Variants in CNDP1 observed in about 807,000 individuals in gnomAD.
The protein encoded by CNDP1 is carnosine dipeptidase 1, also known as beta-Ala-His dipeptidase.
Under a neutral mutation model 58.1 loss-of-function variants are expected in CNDP1, and 44 were observed. That is an observed-to-expected ratio of 0.76 (90% confidence interval 0.60 to 0.97). The LOEUF is 0.97. Ranked by LOEUF, CNDP1 falls within the 50% of genes least tolerant of loss-of-function variation. The probability of loss-of-function intolerance (pLI) is 0.00; values close to 1 mark genes in which losing one functional copy is unlikely to be tolerated. For synonymous variants in CNDP1, 254 were observed against 252.6 expected (o/e 1.01, Z -0.05); for missense variants, 616 against 655.1 (o/e 0.94, Z 0.65).
chr18:74,539,363 G>GC (rs1163829508), intron 1 of CNDP1, among the ~76,000 whole-genome samples: 1 of 152,168 alleles, frequency 6.6e-6, no homozygotes, highest in Non-Finnish European at 1.5e-5. Flanking sequence ...CACTTCTCCT[G>GC]CACACTGTCT....
intron 7 of CNDP1, among the ~76,000 whole-genome samples, chr18:74,573,129 TATCC>T (rs1184396074): frequency 3.3e-5 from 5 of 149,756 alleles, no homozygotes; most frequent in African/African-American, 1.0e-4. Flanking sequence ...TCCATCCAAC[TATCC>T]ATCCATCCAT....
In CNDP1 at chr18:74,585,098, C is replaced by CATT. The variant is rs1254387267; in HGVS notation, c.*537_*539dup. ...CTATATTAACCTCTTGCCTCCCCTT[C>CATT]ATTTATTTTTTCCCACTTCTTGAAA... On this transcript the variant is annotated 3_prime_UTR_variant, in exon 12 of 12. Transcript: ENST00000358821. The CATT allele has an allele frequency of 1.3e-5, 2 of 152,348 alleles. No homozygotes were observed. Among genetic ancestry groups the CATT allele is most frequent in the African/African-American group, 4.8e-5 (2 of 41,444 alleles). The allele number at this position is 152,348 out of a possible 1,614,324, so 9.4% of individuals were successfully genotyped here.
intron 1 of CNDP1, among the ~76,000 whole-genome samples, chr18:74,537,918 C>T (rs1300252679): frequency 6.6e-6 from 1 of 152,208 alleles, no homozygotes; most frequent in Non-Finnish European, 1.5e-5. Context: ...AGACAAAGTA[C>T]AATTTAGACG....
rs753932717 is a variant in CNDP1, at chr18:74,571,184, A to G, written c.757-2A>G. ...ATCTCTTACCTTTTATCTACTCTGC[A>G]GGTGAAATGCAGAGACCAGGATTTT... is the stretch of plus-strand genomic sequence containing the variant. On this transcript the variant is annotated splice_acceptor_variant, in intron 6 of 11. Coordinates refer to ENST00000358821, the MANE Select transcript of CNDP1 (RefSeq NM_032649.6). LOFTEE classifies it high-confidence loss of function. 4 of 1,602,008 alleles carry G rather than the reference A, an allele frequency of 2.5e-6. No individual in the cohort carries two copies. The highest frequency in any genetic ancestry group is 3.4e-6 in the Non-Finnish European group (4 of 1,169,138).
At chr18:74,583,196 G>A (rs1004979158) in intron 10 of CNDP1, among the ~76,000 whole-genome samples, 6 of 151,866 alleles carry the variant, frequency 4.0e-5, no homozygotes, top group Admixed American at 6.6e-5. Flanking sequence ...TAGTAGAGAC[G>A]GGGTTTCACC....
intron 11 of CNDP1, 26 bp downstream of exon 11, chr18:74,583,734 C>T (rs1304111025): frequency 1.2e-6 from 2 of 1,612,358 alleles, no homozygotes. Context: ...TGCAATGTGC[C>T]TCTCTCTTCT....
At chr18:74,538,255 A>C (rs1268948773) in intron 1 of CNDP1, among the ~76,000 whole-genome samples, 1 of 152,076 alleles carries the variant, frequency 6.6e-6, no homozygotes, top group Non-Finnish European at 1.5e-5. Flanking sequence ...AGATTTCCCT[A>C]TTCTGGACTT....
intron 1 of CNDP1, among the ~76,000 whole-genome samples, chr18:74,554,730 A>T (rs1980993101): frequency 6.6e-6 from 1 of 152,138 alleles, no homozygotes; most frequent in Non-Finnish European, 1.5e-5. Context: ...AAGACCTGGG[A>T]GCCATGGGGA....
chr18:74,539,019 T>C (rs1195908888), intron 1 of CNDP1, among the ~76,000 whole-genome samples: 4 of 152,158 alleles, frequency 2.6e-5, no homozygotes, highest in African/African-American at 9.7e-5. Context: ...TTCAGCTTAT[T>C]TCTAATTAAT....
Position 74,560,989 on chromosome 18 carries a change from C to G in CNDP1, c.437C>G (p.Thr146Arg), listed in dbSNP as rs200821231. Residue 146 changes from threonine to arginine, a missense_variant, in exon 4 of 12, where the codon ACG becomes AGG. Physicochemically the swap from Thr to Arg is moderately conservative, Grantham distance 71. Coordinates refer to ENST00000358821, the MANE Select transcript of CNDP1 (RefSeq NM_032649.6). ...GCTGACCGGGGCGATGGGTGGCTCA[C>G]GGACCCCTATGTGCTGACGGAGGTA... ...QPADRGDGWL[T>R]DPYVLTEVDG... The G allele has an allele frequency of 1.2e-6, 2 of 1,614,078 alleles. No individual in the cohort carries two copies. Among genetic ancestry groups the G allele is most frequent in the East Asian group, 4.5e-5 (2 of 44,870 alleles).
At chr18:74,556,512 T>C (rs2144652603) in intron 2 of CNDP1, 46 bp downstream of exon 2, 2 of 1,605,696 alleles carry the variant, frequency 1.2e-6, no homozygotes, top group South Asian at 1.1e-5. Context: ...GCTTGGATTA[T>C]ATCCTTTGGT....
chr18:74,575,558 T>C (rs1026564126), intron 7 of CNDP1, among the ~76,000 whole-genome samples: 1 of 152,238 alleles, frequency 6.6e-6, no homozygotes, highest in African/African-American at 2.4e-5. Context: ...CTGCTGCTCT[T>C]ATGGATATTT....
At chr18:74,580,084 G>T in intron 9 of CNDP1, 46 bp from the exon 10 acceptor site, 1 of 1,559,798 alleles carries the variant, frequency 6.4e-7, no homozygotes, top group South Asian at 1.1e-5. Flanking sequence ...CTGTATGAGA[G>T]AATAACTTGA....
intron 10 of CNDP1, among the ~76,000 whole-genome samples, chr18:74,581,178 T>C (rs1204391157): frequency 6.6e-6 from 1 of 150,994 alleles, no homozygotes; most frequent in East Asian, 2.0e-4. Flanking sequence ...ATGAGACCCA[T>C]TATATACAGG....
intron 1 of CNDP1, among the ~76,000 whole-genome samples, chr18:74,548,628 A>C (rs1311425378): frequency 2.6e-5 from 4 of 152,242 alleles, no homozygotes; most frequent in Non-Finnish European, 5.9e-5. Context: ...GAAAATGTGG[A>C]GGCAACTTCG....
chr18:74,578,131 A>T, intron 8 of CNDP1, 32 bp from the exon 9 acceptor site: 1 of 1,586,532 alleles, frequency 6.3e-7, no homozygotes, highest in Non-Finnish European at 8.6e-7. Context: ...GTTCTAATTA[A>T]GCATCCTTTG....
intron 1 of CNDP1, among the ~76,000 whole-genome samples, chr18:74,543,492 C>CA (rs1487169209): frequency 6.9e-6 from 1 of 145,678 alleles, no homozygotes. Context: ...GATCCTGTCT[C>CA]AAAAAATAAA....
chr18:74,549,527 G>A lies in CNDP1; in HGVS notation c.25-6811G>A, dbSNP rs7233122. 4.4e-3 allele frequency among the ~76,000 whole-genome samples: 665 copies of A among 151,986 alleles called. 7 individuals are homozygous for A. The highest frequency in any genetic ancestry group is 0.015 in the African/African-American group (638 of 41,462). On this transcript the variant is annotated intron_variant, in intron 1 of 11. Transcript: ENST00000358821. ...CTGCACTTTTTTTTTTTCTAAATGG[G>A]AAAAAGATTAAAAGGAAAGCAGAGC...
chr18:74,560,865 G>A lies in CNDP1; in HGVS notation c.313G>A (p.Gly105Ser). 1 of 1,613,216 alleles carries A rather than the reference G, an allele frequency of 6.2e-7. No individual in the cohort carries two copies. The highest frequency in any genetic ancestry group is 1.1e-5 in the South Asian group (1 of 91,062). ...VDMGPQQLPD[G>S]QSLPIPPVIL... is the part of the protein sequence containing the mutation. ...CCTGATCATTCTGCAGCTGCCCGAT[G>A]GTCAGAGTCTTCCAATACCTCCCGT... Residue 105 changes from glycine to serine, a missense_variant, in exon 4 of 12, where the codon GGT becomes AGT. Coordinates refer to ENST00000358821, the MANE Select transcript of CNDP1 (RefSeq NM_032649.6).
Sources: allele counts gnomAD v4.1 joint callset (sites outside exome capture counted in the v4.1 genomes callset), GRCh38; gene constraint gnomAD v4.1.1; transcripts MANE v1.5; gene names NCBI Gene and HGNC (gene_info 2026-07-23, HGNC 2026-07-21).